The following PGC variants were observed in gnomAD, a reference collection of about 807,000 sequenced individuals.
The protein encoded by PGC is progastricsin.
PGC carries 31 observed loss-of-function variants against 45.9 expected under a neutral mutation model. The observed-to-expected ratio is 0.67, with a 90% CI of 0.51 to 0.91. The LOEUF is 0.91. Among genes scored for constraint, PGC ranks in the 40% least tolerant of loss-of-function variants. The pLI, the probability that PGC is intolerant of heterozygous loss-of-function variation, is 0.00. For missense variants in PGC, 477 were observed against 493.2 expected (o/e 0.97, Z 0.31); for synonymous variants, 192 against 201.8 (o/e 0.95, Z 0.41).
chr6:41,738,178 A>ATATATATATGCATATATATG (rs1259246086), intron 7 of PGC, among the ~76,000 whole-genome samples: 14 of 27,320 alleles, frequency 5.1e-4, no homozygotes, highest in South Asian at 1.0e-3. Context: ...ATATATATAT[A>ATATATATATGCATATATATG]CATATATATA....
At position 41,741,283 on chromosome 6, in the gene PGC, G is replaced by C. The variant is rs1298094651; in HGVS notation, c.648-673C>G. On this transcript the variant is annotated intron_variant, in intron 5 of 8. Transcript: ENST00000373025. ...GGTGGAGAGGAAGTTAGCAACATTA[G>C]TAACAGGGTGAGGTCCTTGAACTTC... 2.8e-5 allele frequency: 39 copies of C among 1,383,970 alleles called. No homozygotes were observed. In the East Asian group the frequency reaches 1.0e-3, roughly 36 times the overall value. 85.7% of individuals were successfully genotyped at this position (1,383,970 alleles called of 1,614,324 possible).
In PGC at chr6:41,741,990, G is replaced by A. The variant is rs372597609; in HGVS notation, c.647+300C>T. 8.6e-5 allele frequency: 59 copies of A among 686,196 alleles called. 1 individual carries two copies. The Middle Eastern group carries it at 6.5e-3, about 76-fold the overall frequency. 42.5% of individuals were successfully genotyped at this position (686,196 alleles called of 1,614,324 possible). On this transcript the variant is annotated intron_variant, in intron 5 of 8. Transcript: ENST00000373025. ...CCTGTCCAAGGGGTGCTGAGAATCA[G>A]AGCAGCAAAACTCAGGGCAAAGTTC...
Position 41,740,580 on chromosome 6 carries a change from GA to G in PGC, c.677del (p.Val226AlafsTer64), listed in dbSNP as rs370748384. 39 of 1,604,684 alleles carry G rather than the reference GA, an allele frequency of 2.4e-5. No homozygotes were observed. The African/African-American group carries it at 5.0e-4, about 20-fold the overall frequency. On this transcript the variant is annotated frameshift_variant, in exon 6 of 9. Transcript: ENST00000373025. LOFTEE classifies it high-confidence loss of function. ...NQQGSSGGAV[V>X]FGGVDSSLYT... ...ACAGGCTGCTATCCACACCCCCAAA[GA>G]CAACCGCTCCCCCGCTGGAGCCCTG...
rs1013812841 is a variant in PGC at position 41,740,721 on chromosome 6, G to T, written c.648-111C>A. 6.1e-5 allele frequency: 90 copies of T among 1,480,130 alleles called. No individual in the cohort carries two copies. The Middle Eastern group carries it at 1.4e-3, about 23-fold the overall frequency. The allele number at this position is 1,480,130 out of a possible 1,614,324, so 91.7% of individuals were successfully genotyped here. A position where few individuals can be genotyped will look rare whatever the true frequency, so the allele number is the denominator to read the frequency against. ...AGCTCCTTCCCTGATCCAGACGGGG[G>T]CTCCCTGAGGAGAGCACTGAGTCTC... On this transcript the variant is annotated intron_variant, in intron 5 of 8. Coordinates refer to ENST00000373025, the MANE Select transcript of PGC (RefSeq NM_002630.4).
At chr6:41,737,863 T>C in intron 7 of PGC, 35 bp from the exon 8 acceptor site, 4 of 1,277,074 alleles carry the variant, frequency 3.1e-6, no homozygotes, top group Non-Finnish European at 2.3e-6. Context: ...TAACTCATCC[T>C]CCCCCTGATA....
chr6:41,742,947 G>A (rs1485523586), intron 4 of PGC, among the ~76,000 whole-genome samples: 4 of 152,190 alleles, frequency 2.6e-5, no homozygotes, highest in Admixed American at 6.5e-5. Flanking sequence ...GACAGGTGTT[G>A]CAGGAGCCAC....
At chr6:41,741,127 G>T in intron 5 of PGC, 1 of 1,537,178 alleles carries the variant, frequency 6.5e-7, no homozygotes, top group South Asian at 1.2e-5. Context: ...TTTCTGCTGA[G>T]ATTGGAGACA....
chr6:41,743,862 T>A (rs1196391896), intron 3 of PGC, among the ~76,000 whole-genome samples: 1 of 152,054 alleles, frequency 6.6e-6, no homozygotes, highest in Non-Finnish European at 1.5e-5. Flanking sequence ...GGGCCAAAGG[T>A]ATCAGGACCC....
In PGC at chr6:41,744,953, C is replaced by A; in HGVS notation, c.60-145G>T. 1.4e-6 allele frequency: 1 copy of A among 714,968 alleles called. No homozygotes were observed. Among genetic ancestry groups the A allele is most frequent in the South Asian group, 1.8e-5 (1 of 54,540 alleles). 44.3% of individuals were successfully genotyped at this position (714,968 alleles called of 1,614,324 possible). A position where few individuals can be genotyped will look rare whatever the true frequency, so the allele number is the denominator to read the frequency against. On this transcript the variant is annotated intron_variant, in intron 1 of 8. Transcript: ENST00000373025. This position sits in a 1 kb window ranked among gnomAD's most constrained non-coding sequence, Gnocchi z 4.4. ...CCCTTGTCTGTGTGTGTCTTTTTCTCTCTCTCAGCCTTTTGCTCTCTGTCT... is the reference window on the plus strand; with the variant it reads ...CCCTTGTCTGTGTGTGTCTTTTTCTATCTCTCAGCCTTTTGCTCTCTGTCT...
At chr6:41,739,589 T>C (rs1249968635) in intron 7 of PGC, among the ~76,000 whole-genome samples, 2 of 152,284 alleles carry the variant, frequency 1.3e-5, no homozygotes, top group East Asian at 3.9e-4. Flanking sequence ...CAGCTAATTT[T>C]TGTATTTCTT....
At chr6:41,737,870 G>T in intron 7 of PGC, 42 bp from the exon 8 acceptor site, 1 of 1,184,488 alleles carries the variant, frequency 8.4e-7, no homozygotes, top group Non-Finnish European at 1.3e-6. Context: ...TCCTCCCCCT[G>T]ATAGCACCCA....
At chr6:41,738,224 ATGCATATATATATG>A (rs1561879956) in intron 7 of PGC, among the ~76,000 whole-genome samples, 4 of 47,402 alleles carry the variant, frequency 8.4e-5, no homozygotes, top group African/African-American at 3.3e-4. Context: ...GCATATATAT[ATGCATATATATATG>A]TATATATATA....
At position 41,738,166 on chromosome 6, in the gene PGC, GCATATATATATA is replaced by G. The variant is rs1561879689; in HGVS notation, c.916-350_916-339del. Among the ~76,000 whole-genome samples, 80 of 19,020 alleles carry G rather than the reference GCATATATATATA, an allele frequency of 4.2e-3. 1 individual carries two copies. The highest frequency in any genetic ancestry group is 6.9e-3 in the South Asian group (5 of 722). 12.5% of individuals were successfully genotyped at this position (19,020 alleles called of 152,430 possible). A position where few individuals can be genotyped will look rare whatever the true frequency, so the allele number is the denominator to read the frequency against. On this transcript the variant is annotated intron_variant, in intron 7 of 8. Coordinates refer to ENST00000373025, the MANE Select transcript of PGC (RefSeq NM_002630.4). Reference sequence around the variant, plus strand: ...TATGCATATATATATACATATATATGCATATATATATACATATATATATGCATATATATATGC... The same window carrying G: ...TATGCATATATATATACATATATATGCATATATATATGCATATATATATGC...
chr6:41,745,248 T>A lies in PGC; in HGVS notation c.60-440A>T, dbSNP rs570154780. 1.9e-4 allele frequency among the ~76,000 whole-genome samples: 29 copies of A among 152,254 alleles called. No individual in the cohort carries two copies. In the East Asian group the frequency reaches 5.6e-3, roughly 29 times the overall value. On this transcript the variant is annotated intron_variant, in intron 1 of 8. Coordinates refer to ENST00000373025, the MANE Select transcript of PGC (RefSeq NM_002630.4). ...TACCCTTTTCAGGATATGTACTTTT[T>A]TTTTTTTGAGACGCAGTTTCACTTT...
In PGC at chr6:41,747,387, C is replaced by A; in HGVS notation, c.-53G>T. 6.7e-7 allele frequency: 1 copy of A among 1,493,658 alleles called. No homozygotes were observed. Among genetic ancestry groups the A allele is most frequent in the South Asian group, 1.1e-5 (1 of 88,440 alleles). The allele number at this position is 1,493,658 out of a possible 1,614,324, so 92.5% of individuals were successfully genotyped here. ...GAAGAGCAGCTCTGAGTTCTGCAGT[C>A]GCAGTGGAGTGAAGACCTGGGCACT... On this transcript the variant is annotated 5_prime_UTR_variant, in exon 1 of 9. Coordinates refer to ENST00000373025, the MANE Select transcript of PGC (RefSeq NM_002630.4).
Position 41,742,506 on chromosome 6 carries a change from C to G in PGC, c.448-17G>C, listed in dbSNP as rs770888003. On this transcript the variant is annotated splice_polypyrimidine_tract_variant and intron_variant, in intron 4 of 8. Transcript: ENST00000373025. The stretch of plus-strand genomic sequence containing the variant: ...GCTCTGGACCTAATGGAGACACAAA[C>G]GAGGGGAGGTGACCAGTCTGACTCC... 1 of 1,610,612 alleles carries G rather than the reference C, an allele frequency of 6.2e-7. No individual in the cohort carries two copies.
chr6:41,738,255 T>TATATACATATATATATAC (rs1771753501), intron 7 of PGC, among the ~76,000 whole-genome samples: 2 of 10,284 alleles, frequency 1.9e-4, no homozygotes, highest in African/African-American at 2.2e-4. Flanking sequence ...TATATGCATA[T>TATATACATATATATATAC]ATATATATGC....
In PGC at chr6:41,744,651, G is replaced by T; in HGVS notation, c.210+7C>A. On this transcript the variant is annotated splice_region_variant and intron_variant, in intron 2 of 8. Coordinates refer to ENST00000373025, the MANE Select transcript of PGC (RefSeq NM_002630.4). The surrounding 1 kb of genome is among the most constrained non-coding windows in gnomAD (Gnocchi z 4.4). ...GAAGGCTACCGCCAGAAAGGGTCAGGACTCACATCCATGTAGGCCATGGGC... is the reference window on the plus strand; with the variant it reads ...GAAGGCTACCGCCAGAAAGGGTCAGTACTCACATCCATGTAGGCCATGGGC... 1 of 1,613,924 alleles carries T rather than the reference G, an allele frequency of 6.2e-7. No individual in the cohort carries two copies. The highest frequency in any genetic ancestry group is 8.5e-7 in the Non-Finnish European group (1 of 1,179,878).
At chr6:41,743,453 C>A in intron 3 of PGC, 64 bp from the exon 4 acceptor site, 1 of 994,878 alleles carries the variant, frequency 1.0e-6, no homozygotes, top group Non-Finnish European at 1.6e-6. Flanking sequence ...GCTCTCAGGC[C>A]TGCCGGGTTC....
Sources: allele counts gnomAD v4.1 joint callset (sites outside exome capture counted in the v4.1 genomes callset), GRCh38; gene constraint gnomAD v4.1.1; non-coding constraint Gnocchi (gnomAD v3.1); transcripts MANE v1.5; gene names NCBI Gene and HGNC (gene_info 2026-07-23, HGNC 2026-07-21).